Variants in AKT3 observed in about 807,000 individuals in gnomAD.
AKT3 encodes the protein AKT serine/threonine kinase 3.
A neutral mutation model predicts 65.3 loss-of-function variants in AKT3; 15 were observed. That is an observed-to-expected ratio of 0.23 (90% CI 0.15 to 0.35). AKT3 has a LOEUF of 0.35. Among genes scored for constraint, AKT3 ranks in the 10% least tolerant of loss-of-function variants. AKT3 has a pLI of 1.00. For synonymous variants in AKT3, 206 were observed against 183.8 expected, an observed-to-expected ratio of 1.12 and a Z score of -0.98; for missense variants, 243 against 576.5, an observed-to-expected ratio of 0.42 and a Z score of 5.92.
intron 13 of AKT3, among the ~76,000 whole-genome samples, chr1:243,507,748 C>A (rs1042081849): frequency 6.6e-6 from 1 of 152,200 alleles, no homozygotes; most frequent in Non-Finnish European, 1.5e-5. Context: ...ACATCAGTTG[C>A]CTGATTTTCT....
At chr1:243,656,957 C>CA (rs1434453365) in intron 4 of AKT3, among the ~76,000 whole-genome samples, 1 of 152,116 alleles carries the variant, frequency 6.6e-6, no homozygotes, top group African/African-American at 2.4e-5. Flanking sequence ...GTGCTATGAT[C>CA]AAAATTATTA....
intron 11 of AKT3, among the ~76,000 whole-genome samples, chr1:243,552,265 G>T (rs929912250): frequency 3.0e-5 from 4 of 135,496 alleles, no homozygotes; most frequent in African/African-American, 5.5e-5. Flanking sequence ...CTCCAGCCTG[G>T]GTGGCAGAGT....
chr1:243,827,944 C>T (rs531783480), intron 2 of AKT3, among the ~76,000 whole-genome samples: 2 of 151,942 alleles, frequency 1.3e-5, no homozygotes, highest in Non-Finnish European at 2.9e-5. Flanking sequence ...TGGTCTTCTC[C>T]AAAGAGAAAT....
intron 8 of AKT3, among the ~76,000 whole-genome samples, chr1:243,609,551 G>A (rs778468872): frequency 2.0e-5 from 3 of 152,094 alleles, no homozygotes; most frequent in Non-Finnish European, 4.4e-5. Flanking sequence ...CTAGCTACTC[G>A]GGAGACTGAG....
chr1:243,684,462 C>G (rs746961021), intron 3 of AKT3, among the ~76,000 whole-genome samples: 6 of 152,152 alleles, frequency 3.9e-5, no homozygotes, highest in Non-Finnish European at 8.8e-5. Context: ...CCAGATTCAT[C>G]CATGTCCCTG....
chr1:243,681,361 G>C (rs2147976003), intron 3 of AKT3, among the ~76,000 whole-genome samples: 1 of 152,152 alleles, frequency 6.6e-6, no homozygotes, highest in Admixed American at 6.5e-5. Flanking sequence ...GCTGCTGATA[G>C]GCAAACCACT....
chr1:243,660,450 A>T (rs1269853842), intron 4 of AKT3, among the ~76,000 whole-genome samples: 1 of 152,196 alleles, frequency 6.6e-6, no homozygotes, highest in Non-Finnish European at 1.5e-5. Context: ...ACAGAACCAA[A>T]GAAAAAAACC....
At chr1:243,712,547 A>G (rs1686229150) in intron 2 of AKT3, among the ~76,000 whole-genome samples, 1 of 152,150 alleles carries the variant, frequency 6.6e-6, no homozygotes, top group South Asian at 2.1e-4. Context: ...TTCTCCACAC[A>G]TATTTTTTTT....
At chr1:243,708,925 G>A (rs1213137999) in intron 2 of AKT3, among the ~76,000 whole-genome samples, 2 of 151,892 alleles carry the variant, frequency 1.3e-5, no homozygotes, top group African/African-American at 2.4e-5. Context: ...TGGCAATGTG[G>A]AGTTGAAGCA....
At chr1:243,729,448 G>A (rs1043137738) in intron 2 of AKT3, among the ~76,000 whole-genome samples, 2 of 152,126 alleles carry the variant, frequency 1.3e-5, no homozygotes, top group Non-Finnish European at 2.9e-5. Flanking sequence ...AGAATATGGT[G>A]AGAACATAAA....
At chr1:243,572,880 T>C (rs769551487) in intron 9 of AKT3, 46 bp downstream of exon 9, 59 of 1,555,038 alleles carry the variant, frequency 3.8e-5, no homozygotes, top group South Asian at 7.0e-5. Context: ...TTTGTCCCTA[T>C]AGTCTCTGCA....
At chr1:243,706,096 A>C (rs1685780382) in intron 2 of AKT3, among the ~76,000 whole-genome samples, 1 of 152,224 alleles carries the variant, frequency 6.6e-6, no homozygotes, top group African/African-American at 2.4e-5. Context: ...ACACTGCAGT[A>C]AATAACCTTA....
At chr1:243,595,951 T>A (rs755241026) in intron 8 of AKT3, among the ~76,000 whole-genome samples, 5 of 152,248 alleles carry the variant, frequency 3.3e-5, no homozygotes, top group African/African-American at 1.2e-4. Flanking sequence ...TCTAACTGCA[T>A]GTGCTATGTT....
chr1:243,798,777 C>T (rs145821183), intron 2 of AKT3, among the ~76,000 whole-genome samples: 5 of 151,176 alleles, frequency 3.3e-5, no homozygotes, highest in Non-Finnish European at 7.4e-5. Context: ...TTCTCATTTC[C>T]CATTCACTCC....
chr1:243,642,377 T>C lies in AKT3; in HGVS notation c.429+3516A>G, dbSNP rs1268691448. 2.6e-5 allele frequency among the ~76,000 whole-genome samples: 4 copies of C among 152,266 alleles called. 1 individual carries two copies. The highest frequency in any genetic ancestry group is 1.5e-5 in the Non-Finnish European group (1 of 68,050). On this transcript the variant is annotated intron_variant, in intron 5 of 13. Transcript: ENST00000673466. ...CAGGCTAGAGTGCAGTGGCACGATCTCGGCTCACTGCAAGCTCTGCCTCCT... is the reference window on the plus strand; with the variant it reads ...CAGGCTAGAGTGCAGTGGCACGATCCCGGCTCACTGCAAGCTCTGCCTCCT...
chr1:243,756,290 T>C (rs1689133237), intron 2 of AKT3, among the ~76,000 whole-genome samples: 1 of 152,186 alleles, frequency 6.6e-6, no homozygotes, highest in African/African-American at 2.4e-5. Context: ...TTTAGGGTTC[T>C]AAATATCATT....
rs543771355 is a variant in AKT3 at position 243,776,709 on chromosome 1, T to G, written c.46+66416A>C. ...GCTTACACAGACTAAATAACCTCCC[T>G]ACAGTGGATCCAAGAGATAGTGATA... On this transcript the variant is annotated intron_variant, in intron 2 of 13. Coordinates refer to ENST00000673466, the MANE Select transcript of AKT3 (RefSeq NM_005465.7). Among the ~76,000 whole-genome samples, 58 of 152,306 alleles carry G rather than the reference T, an allele frequency of 3.8e-4. 1 individual carries two copies. The highest frequency in any genetic ancestry group is 1.3e-3 in the African/African-American group (54 of 41,564).
chr1:243,491,795 T>C (rs1666481231), intron 13 of AKT3, among the ~76,000 whole-genome samples: 1 of 152,228 alleles, frequency 6.6e-6, no homozygotes, highest in South Asian at 2.1e-4. Context: ...TGGAGTGGCC[T>C]GTGGGTCCAG....
At chr1:243,524,402 A>T (rs747575793) in intron 12 of AKT3, among the ~76,000 whole-genome samples, 16 of 152,160 alleles carry the variant, frequency 1.1e-4, no homozygotes, top group Admixed American at 2.6e-4. Context: ...ATGCACAGGG[A>T]AGCCTCCAAG....
Sources: gnomAD v4.1 joint callset for allele counts (sites outside exome capture counted in the v4.1 genomes callset) on GRCh38, gnomAD v4.1.1 for gene constraint, MANE v1.5 for transcripts, NCBI Gene and HGNC (gene_info 2026-07-23, HGNC 2026-07-21) for gene names.